The following SORCS1 variants were observed in gnomAD, a reference collection of about 807,000 sequenced individuals.
SORCS1 encodes sortilin related VPS10 domain containing receptor 1, also known as VPS10 domain-containing receptor SorCS1.
Under a neutral mutation model 146.1 loss-of-function variants are expected in SORCS1, and 60 were observed. That is an observed-to-expected ratio of 0.41 (90% CI 0.33 to 0.51). SORCS1 has a LOEUF of 0.51. Ranked by LOEUF, SORCS1 falls within the 20% of genes least tolerant of loss-of-function variation. SORCS1 has a pLI of 0.21. For synonymous variants in SORCS1, 637 were observed against 584.0 expected (o/e 1.09, Z -1.31); for missense variants, 1,352 against 1,487.6 (o/e 0.91, Z 1.50).
intron 2 of SORCS1, among the ~76,000 whole-genome samples, chr10:106,870,690 A>G (rs1272671504): frequency 1.3e-5 from 2 of 152,216 alleles, no homozygotes; most frequent in Non-Finnish European, 2.9e-5. Flanking sequence ...AATCAACTCG[A>G]GATGGATTAA....
At chr10:107,105,096 C>A (rs1443262422) in intron 1 of SORCS1, among the ~76,000 whole-genome samples, 1 of 152,160 alleles carries the variant, frequency 6.6e-6, no homozygotes, top group Non-Finnish European at 1.5e-5. Context: ...AATACTCAAA[C>A]AGTTAACATG....
intron 1 of SORCS1, among the ~76,000 whole-genome samples, chr10:106,983,144 CTCTATATATACACATATT>C (rs2139367418): frequency 6.8e-6 from 1 of 147,456 alleles, no homozygotes; most frequent in Admixed American, 6.8e-5. Flanking sequence ...ATATATACAT[CTCTATATATACACATATT>C]TCTATATATA....
intron 18 of SORCS1, among the ~76,000 whole-genome samples, chr10:106,633,954 A>G (rs955725875): frequency 1.3e-5 from 2 of 152,182 alleles, no homozygotes; most frequent in Admixed American, 1.3e-4. Context: ...ATTGTTGAAT[A>G]TTAGGTCTTC....
At chr10:106,996,070 T>C (rs1956985943) in intron 1 of SORCS1, among the ~76,000 whole-genome samples, 1 of 151,636 alleles carries the variant, frequency 6.6e-6, no homozygotes, top group Admixed American at 6.6e-5. Context: ...TGAAATCCTG[T>C]CTCTACTAAA....
intron 3 of SORCS1, among the ~76,000 whole-genome samples, chr10:106,800,513 CTTTTTTTTTT>C (rs763659103): frequency 2.2e-5 from 2 of 89,070 alleles, no homozygotes; most frequent in Non-Finnish European, 4.5e-5. Context: ...CTAGGTGAAT[CTTTTTTTTTT>C]TTTTTTTTTT....
chr10:107,164,979 G>C (rs1209567081), upstream of SORCS1, among the ~76,000 whole-genome samples: 3 of 150,810 alleles, frequency 2.0e-5, no homozygotes, highest in Admixed American at 6.6e-5. This position sits in a 1 kb window ranked among gnomAD's most constrained non-coding sequence, Gnocchi z 6.8. Flanking sequence ...CGCGGGTCCC[G>C]GCGCTGAGTC....
At chr10:106,711,278 T>C (rs1320211462) in intron 6 of SORCS1, among the ~76,000 whole-genome samples, 1 of 152,176 alleles carries the variant, frequency 6.6e-6, no homozygotes, top group East Asian at 1.9e-4. Flanking sequence ...AGTAGGTGGG[T>C]TTGATTTTAA....
intron 2 of SORCS1, among the ~76,000 whole-genome samples, chr10:106,857,929 A>C (rs538949052): frequency 5.1e-4 from 77 of 152,310 alleles, no homozygotes; most frequent in African/African-American, 1.8e-3. Flanking sequence ...CTTTCTAAGG[A>C]ATCTGCCCCG....
chr10:106,812,663 G>A (rs1263905860), intron 3 of SORCS1, among the ~76,000 whole-genome samples: 1 of 152,152 alleles, frequency 6.6e-6, no homozygotes, highest in African/African-American at 2.4e-5. Flanking sequence ...TAGGATCCAT[G>A]TGTTCAGTGT....
At chr10:107,077,854 G>GA (rs1245740358) in intron 1 of SORCS1, among the ~76,000 whole-genome samples, 1 of 152,106 alleles carries the variant, frequency 6.6e-6, no homozygotes, top group Non-Finnish European at 1.5e-5. Context: ...ATGGTAATTA[G>GA]AAAAGAAGGG....
intron 2 of SORCS1, among the ~76,000 whole-genome samples, chr10:106,916,791 C>T (rs1014173046): frequency 6.6e-6 from 1 of 152,056 alleles, no homozygotes; most frequent in East Asian, 1.9e-4. Context: ...ACTCTGTCGG[C>T]CAGGCTGGAG....
intron 10 of SORCS1, among the ~76,000 whole-genome samples, chr10:106,686,165 G>C (rs1852817031): frequency 1.3e-5 from 2 of 152,172 alleles, no homozygotes; most frequent in Admixed American, 6.5e-5. Context: ...AAGTAAAAGT[G>C]GGAGGACCAG....
chr10:106,702,348 C>T (rs895866772), intron 8 of SORCS1, among the ~76,000 whole-genome samples: 1 of 152,166 alleles, frequency 6.6e-6, no homozygotes, highest in African/African-American at 2.4e-5. Context: ...ATAACCTGAC[C>T]CCCGCATAGC....
chr10:107,127,023 G>A (rs2134596612), intron 1 of SORCS1, among the ~76,000 whole-genome samples: 1 of 152,218 alleles, frequency 6.6e-6, no homozygotes, highest in South Asian at 2.1e-4. Flanking sequence ...TGGTTAACAT[G>A]ATTTACAGAT....
chr10:106,839,118 G>A (rs1247899738), intron 2 of SORCS1, among the ~76,000 whole-genome samples: 1 of 152,030 alleles, frequency 6.6e-6, no homozygotes, highest in Non-Finnish European at 1.5e-5. Flanking sequence ...TGTCTTCTAA[G>A]TGTTCAAGTG....
At chr10:106,829,165 T>C (rs1948427354) in intron 3 of SORCS1, among the ~76,000 whole-genome samples, 1 of 152,204 alleles carries the variant, frequency 6.6e-6, no homozygotes, top group African/African-American at 2.4e-5. Context: ...GGACAATGCA[T>C]TCACTTAAAT....
chr10:106,795,522 T>C (rs1359938947), intron 3 of SORCS1, among the ~76,000 whole-genome samples: 4 of 152,156 alleles, frequency 2.6e-5, no homozygotes, highest in Non-Finnish European at 4.4e-5. Flanking sequence ...ATAGGAACAC[T>C]GAGGACTAGA....
At chr10:106,740,550 A>T (rs554590455) in intron 5 of SORCS1, among the ~76,000 whole-genome samples, 1 of 152,352 alleles carries the variant, frequency 6.6e-6, no homozygotes, top group African/African-American at 2.4e-5. Flanking sequence ...TAAACATGTC[A>T]GGTGATGCTC....
At chr10:107,088,417 G>C (rs771416470) in intron 1 of SORCS1, among the ~76,000 whole-genome samples, 53 of 152,280 alleles carry the variant, frequency 3.5e-4, no homozygotes, top group Non-Finnish European at 5.3e-4. Context: ...GCAGGCCCTG[G>C]GGGGGACGGT....
Sources: gnomAD v4.1 joint callset for allele counts (sites outside exome capture counted in the v4.1 genomes callset) on GRCh38, gnomAD v4.1.1 for gene constraint, Gnocchi (gnomAD v3.1) non-coding constraint, MANE v1.5 for transcripts, NCBI Gene and HGNC (gene_info 2026-07-23, HGNC 2026-07-21) for gene names.